Variants in JAKMIP1 observed in about 807,000 individuals in gnomAD.
JAKMIP1 encodes janus kinase and microtubule-interacting protein 1.
JAKMIP1 carries 33 observed loss-of-function variants against 113.0 expected under a neutral mutation model. The ratio of observed to expected loss-of-function variants is 0.29; its 90% CI spans 0.22 to 0.39. JAKMIP1 has a LOEUF of 0.39. JAKMIP1 is among the 10% of genes least tolerant of loss of function. The pLI is 1.00. For missense variants in JAKMIP1, 813 were observed against 1,080.5 expected (o/e 0.75, Z 3.47); for synonymous variants, 480 against 459.9 (o/e 1.04, Z -0.56).
At chr4:6,026,406 G>A (rs759567160) in intron 20 of JAKMIP1, 128 bp from the exon 21 acceptor site, 23 of 628,420 alleles carry the variant, frequency 3.7e-5, no homozygotes, top group Admixed American at 2.7e-4. Flanking sequence ...TGTTGGGTTC[G>A]GAAAGAGAAA....
In JAKMIP1 at chr4:6,059,150, G is replaced by A. The variant is rs1479630586; in HGVS notation, c.1644+1274C>T. Among the ~76,000 whole-genome samples, 1 of 152,196 alleles carries A rather than the reference G, an allele frequency of 6.6e-6. No individual in the cohort carries two copies. The highest frequency in any genetic ancestry group is 2.4e-5 in the African/African-American group (1 of 41,452). ...CTCTGCGTCACGATCCCACCGCATG[G>A]AGGATGCAGACCACAGTTTAGAGAA... On this transcript the variant is annotated intron_variant, in intron 11 of 20. Transcript: ENST00000409021. This position sits in a 1 kb window ranked among gnomAD's most constrained non-coding sequence, Gnocchi z 4.8.
chr4:6,068,017 G>A (rs1449341428), intron 8 of JAKMIP1, among the ~76,000 whole-genome samples: 1 of 152,212 alleles, frequency 6.6e-6, no homozygotes, highest in African/African-American at 2.4e-5. Flanking sequence ...AGAACACACT[G>A]CTGGGCTGTG....
chr4:6,177,675 C>T (rs955787391), intron 1 of JAKMIP1, among the ~76,000 whole-genome samples: 8 of 152,120 alleles, frequency 5.3e-5, no homozygotes, highest in Non-Finnish European at 1.2e-4. Flanking sequence ...GCAGAGCAGC[C>T]CCTCCCACAG....
intron 1 of JAKMIP1, among the ~76,000 whole-genome samples, chr4:6,189,994 C>T (rs1030428038): frequency 2.6e-5 from 4 of 152,178 alleles, no homozygotes; most frequent in African/African-American, 9.7e-5. Flanking sequence ...GAAGAAAGCC[C>T]CATTAGTCCA....
At chr4:6,146,346 G>T (rs1442068915) in intron 1 of JAKMIP1, among the ~76,000 whole-genome samples, 4 of 152,174 alleles carry the variant, frequency 2.6e-5, no homozygotes, top group Non-Finnish European at 5.9e-5. Flanking sequence ...AGGCTAGAGA[G>T]CAGTGGCACA....
At position 6,042,978 on chromosome 4, in the gene JAKMIP1, G is replaced by A. The variant is rs1007356709; in HGVS notation, c.2029-751C>T. Among the ~76,000 whole-genome samples the A allele has an allele frequency of 3.9e-5, 6 of 152,020 alleles. No individual in the cohort carries two copies. The highest frequency in any genetic ancestry group is 2.1e-4 in the South Asian group (1 of 4,810). Reference sequence around the variant, plus strand: ...TCCCTCTGGGGTCTGGGCTGGGGGTGAGCACGGAGGCAGGTGTCATACGTG... The same window carrying A: ...TCCCTCTGGGGTCTGGGCTGGGGGTAAGCACGGAGGCAGGTGTCATACGTG... On this transcript the variant is annotated intron_variant, in intron 16 of 20. Transcript: ENST00000409021. The surrounding 1 kb of genome is among the most constrained non-coding windows in gnomAD (Gnocchi z 5.2).
At chr4:6,103,288 A>C (rs889936163) in intron 3 of JAKMIP1, among the ~76,000 whole-genome samples, 1 of 152,078 alleles carries the variant, frequency 6.6e-6, no homozygotes, top group African/African-American at 2.4e-5. Context: ...CTTTTTTATC[A>C]TATTATTATG....
chr4:6,084,547 T>C (rs1178213338), intron 5 of JAKMIP1, among the ~76,000 whole-genome samples: 1 of 152,168 alleles, frequency 6.6e-6, no homozygotes, highest in Non-Finnish European at 1.5e-5. Context: ...GGTTTTTTAA[T>C]TGTTGATTTT....
intron 1 of JAKMIP1, among the ~76,000 whole-genome samples, chr4:6,130,094 G>A (rs1392437667): frequency 3.3e-5 from 5 of 152,216 alleles, no homozygotes; most frequent in African/African-American, 9.7e-5. Flanking sequence ...AGAAAGATCA[G>A]AGAAACTTCC....
chr4:6,173,974 C>T (rs1440458623), intron 1 of JAKMIP1, among the ~76,000 whole-genome samples: 1 of 152,100 alleles, frequency 6.6e-6, no homozygotes, highest in Non-Finnish European at 1.5e-5. Context: ...GAGGCTGAGA[C>T]AGGACAATCG....
rs1230458359 is a variant in JAKMIP1 at position 6,140,907 on chromosome 4, G to A, written c.-147-27910C>T. 6.6e-6 allele frequency among the ~76,000 whole-genome samples: 1 copy of A among 152,152 alleles called. No homozygotes were observed. Among genetic ancestry groups the A allele is most frequent in the African/African-American group, 2.4e-5 (1 of 41,402 alleles). ...GGTGTATGGTAGACACTGGAGAATG[G>A]TGGGATCCCTCTCTTTACAAAATCA... is the stretch of plus-strand genomic sequence containing the variant. On this transcript the variant is annotated intron_variant, in intron 1 of 20. Coordinates refer to ENST00000409021, the MANE Select transcript of JAKMIP1 (RefSeq NM_001099433.2). The surrounding 1 kb of genome is among the most constrained non-coding windows in gnomAD (Gnocchi z 9.4).
chr4:6,085,957 G>A (rs1259201300), intron 3 of JAKMIP1, among the ~76,000 whole-genome samples: 5 of 152,212 alleles, frequency 3.3e-5, no homozygotes. Flanking sequence ...CCAGGCCTCT[G>A]CAGCTCAGCT....
In JAKMIP1 at chr4:6,069,502, A is replaced by C. The variant is rs1718650827; in HGVS notation, c.1303-4494T>G. 6.6e-6 allele frequency among the ~76,000 whole-genome samples: 1 copy of C among 152,194 alleles called. No homozygotes were observed. The highest frequency in any genetic ancestry group is 6.5e-5 in the Admixed American group (1 of 15,284). On this transcript the variant is annotated intron_variant, in intron 8 of 20. Transcript: ENST00000409021. This position sits in a 1 kb window ranked among gnomAD's most constrained non-coding sequence, Gnocchi z 4.5. ...AGTGGCTCATGCCTGTAATCCCAGC[A>C]CTTTGGGAGGCTGAGGCAGAAAGAT...
chr4:6,097,474 T>C lies in JAKMIP1; in HGVS notation c.624+7999A>G, dbSNP rs934535735. On this transcript the variant is annotated intron_variant, in intron 3 of 20. Coordinates refer to ENST00000409021, the MANE Select transcript of JAKMIP1 (RefSeq NM_001099433.2). The surrounding 1 kb of genome is among the most constrained non-coding windows in gnomAD (Gnocchi z 4.3). Reference sequence around the variant, plus strand: ...TGATGGGGGCTAGGGGGATCTTTTTTCCCCTTGGGTATGCTAAATACACTG... The same window carrying C: ...TGATGGGGGCTAGGGGGATCTTTTTCCCCCTTGGGTATGCTAAATACACTG... 1.3e-5 allele frequency among the ~76,000 whole-genome samples: 2 copies of C among 152,162 alleles called. No individual in the cohort carries two copies. The highest frequency in any genetic ancestry group is 2.9e-5 in the Non-Finnish European group (2 of 68,022).
At chr4:6,048,826 G>A (rs957100306) in intron 16 of JAKMIP1, 31 bp downstream of exon 16, 10 of 1,590,242 alleles carry the variant, frequency 6.3e-6, no homozygotes, top group Admixed American at 1.7e-5. Context: ...CTGGGACAAG[G>A]TGTGAGCACA....
At position 6,181,090 on chromosome 4, in the gene JAKMIP1, C is replaced by T. The variant is rs1725963300; in HGVS notation, c.-148+19163G>A. ...TCAGTGACTTCCAAGCAAAGGGCAA[C>T]TTCTTTTTGTGGTTTCTACATCCTT... On this transcript the variant is annotated intron_variant, in intron 1 of 20. Transcript: ENST00000409021. This position sits in a 1 kb window ranked among gnomAD's most constrained non-coding sequence, Gnocchi z 5.4. Among the ~76,000 whole-genome samples, 1 of 152,018 alleles carries T rather than the reference C, an allele frequency of 6.6e-6. No homozygotes were observed. Among genetic ancestry groups the T allele is most frequent in the Non-Finnish European group, 1.5e-5 (1 of 68,022 alleles).
At position 6,180,009 on chromosome 4, in the gene JAKMIP1, T is replaced by A. The variant is rs1289574187; in HGVS notation, c.-148+20244A>T. Among the ~76,000 whole-genome samples, 1 of 152,188 alleles carries A rather than the reference T, an allele frequency of 6.6e-6. No homozygotes were observed. The highest frequency in any genetic ancestry group is 1.5e-5 in the Non-Finnish European group (1 of 68,036). On this transcript the variant is annotated intron_variant, in intron 1 of 20. Coordinates refer to ENST00000409021, the MANE Select transcript of JAKMIP1 (RefSeq NM_001099433.2). This position sits in a 1 kb window ranked among gnomAD's most constrained non-coding sequence, Gnocchi z 4.5. ...ACCAGCAGCATGCCTGACATCCTCT[T>A]AGAAGCCATGCAAGAACATTTGCAG...
chr4:6,190,503 T>G (rs1006244176), intron 1 of JAKMIP1, among the ~76,000 whole-genome samples: 2 of 152,088 alleles, frequency 1.3e-5, no homozygotes, highest in Non-Finnish European at 2.9e-5. Flanking sequence ...CCACTGCCAT[T>G]TCCACCTGTG....
At chr4:6,045,430 C>T (rs1021142068) in intron 16 of JAKMIP1, among the ~76,000 whole-genome samples, 7 of 152,178 alleles carry the variant, frequency 4.6e-5, no homozygotes, top group South Asian at 2.1e-4. Flanking sequence ...GGTGCCAGGA[C>T]GGATGCCTGT....
Sources: allele counts gnomAD v4.1 joint callset (sites outside exome capture counted in the v4.1 genomes callset), GRCh38; gene constraint gnomAD v4.1.1; non-coding constraint Gnocchi (gnomAD v3.1); transcripts MANE v1.5; gene names NCBI Gene and HGNC (gene_info 2026-07-23, HGNC 2026-07-21).